TMPRSS15: variants seen among roughly 807,000 people sequenced by gnomAD.
TMPRSS15 encodes transmembrane serine protease 15, also known as enteropeptidase.
TMPRSS15 carries 128 observed loss-of-function variants against 125.3 expected under a neutral mutation model. The observed-to-expected ratio is 1.02, with a 90% CI of 0.89 to 1.18. TMPRSS15 has a LOEUF of 1.18. TMPRSS15 is among the 50% of genes most tolerant of loss of function. The probability of loss-of-function intolerance (pLI) is 0.00; values close to 1 mark genes in which losing one functional copy is unlikely to be tolerated. For synonymous variants in TMPRSS15, 446 were observed against 423.2 expected, an observed-to-expected ratio of 1.05 and a Z score of -0.66; for missense variants, 1,283 against 1,212.7, an observed-to-expected ratio of 1.06 and a Z score of -0.86.
intron 21 of TMPRSS15, 97 bp from the exon 22 acceptor site, chr21:18,281,318 C>G: frequency 9.8e-7 from 1 of 1,024,274 alleles, no homozygotes; most frequent in Non-Finnish European, 1.5e-6. Context: ...TGTTTCTATC[C>G]TGAAATGTTC....
At chr21:18,472,455 TTATATATATATATATA>T (rs34604020) in intron 1 of TMPRSS15, among the ~76,000 whole-genome samples, 2 of 143,154 alleles carry the variant, frequency 1.4e-5, no homozygotes, top group Non-Finnish European at 3.0e-5. Context: ...GCTAAAAGAA[TTATATATATATATATA>T]TATATATATA....
intron 5 of TMPRSS15, among the ~76,000 whole-genome samples, chr21:18,373,045 A>G (rs2075808539): frequency 1.3e-5 from 2 of 152,232 alleles, no homozygotes; most frequent in South Asian, 2.1e-4. Context: ...CTGCCTCTGA[A>G]TATAACAACA....
At chr21:18,454,110 T>C (rs1222111961) in intron 1 of TMPRSS15, among the ~76,000 whole-genome samples, 2 of 152,150 alleles carry the variant, frequency 1.3e-5, no homozygotes, top group East Asian at 1.9e-4. Flanking sequence ...TTTACAACAA[T>C]GGAGACAATA....
At chr21:18,472,089 A>G (rs997490167) in intron 1 of TMPRSS15, among the ~76,000 whole-genome samples, 10 of 152,118 alleles carry the variant, frequency 6.6e-5, no homozygotes, top group Non-Finnish European at 1.5e-4. Context: ...TTAGAAGAAG[A>G]TCTCATTACG....
intron 4 of TMPRSS15, among the ~76,000 whole-genome samples, chr21:18,380,940 C>T (rs2123046795): frequency 6.6e-6 from 1 of 152,220 alleles, no homozygotes; most frequent in Middle Eastern, 3.4e-3. Flanking sequence ...ACTTGTTTTA[C>T]ACTAAAACAT....
intron 1 of TMPRSS15, among the ~76,000 whole-genome samples, chr21:18,413,311 T>C (rs1247266336): frequency 2.3e-5 from 1 of 44,370 alleles, no homozygotes; most frequent in African/African-American, 7.9e-5. Context: ...CTTTTCTTTC[T>C]TTTCCTTCCT....
At chr21:18,344,268 G>A (rs1210077664) in intron 10 of TMPRSS15, among the ~76,000 whole-genome samples, 1 of 151,922 alleles carries the variant, frequency 6.6e-6, no homozygotes, top group Non-Finnish European at 1.5e-5. Context: ...CTTAACACTG[G>A]GCCTCCCACT....
At chr21:18,397,331 C>G (rs1362013026) in intron 3 of TMPRSS15, among the ~76,000 whole-genome samples, 1 of 152,062 alleles carries the variant, frequency 6.6e-6, no homozygotes, top group Admixed American at 6.6e-5. Flanking sequence ...ATAGATCTTA[C>G]AATAGAAATA....
rs912121881 is a variant in TMPRSS15 at position 18,294,661 on chromosome 21, G to T, written c.2262-9C>A. The stretch of plus-strand genomic sequence containing the variant: ...CCTGTAAACACTGTTGACTGTAATA[G>T]AAGAACAATCATATTTTTAAAATTA... On this transcript the variant is annotated splice_polypyrimidine_tract_variant and intron_variant, in intron 19 of 24. Transcript: ENST00000284885. The T allele has an allele frequency of 5.0e-6, 8 of 1,605,932 alleles. No homozygotes were observed. The highest frequency in any genetic ancestry group is 6.8e-6 in the Non-Finnish European group (8 of 1,172,742).
In TMPRSS15 at chr21:18,383,749, A is replaced by C. The variant is rs780727938; in HGVS notation, c.374T>G (p.Leu125Arg). ...ATCTGACACCCACTGGGCAAAGAAA[A>C]GGTCAAATACGACTATAATGCTGCC... is the stretch of plus-strand genomic sequence containing the variant. ...ENGSIIVVFD[L>R]FFAQWVSDEN... Residue 125 changes from leucine (L) to arginine (R), a missense_variant, in exon 4 of 25, where the codon CTT becomes CGT. Coordinates refer to ENST00000284885, the MANE Select transcript of TMPRSS15 (RefSeq NM_002772.3). 6.2e-7 allele frequency: 1 copy of C among 1,613,778 alleles called. No individual in the cohort carries two copies. Among genetic ancestry groups the C allele is most frequent in the Non-Finnish European group, 8.5e-7 (1 of 1,179,834 alleles).
intron 16 of TMPRSS15, among the ~76,000 whole-genome samples, chr21:18,317,897 CCCAT>C (rs2075188526): frequency 1.1e-4 from 15 of 134,914 alleles, no homozygotes; most frequent in Middle Eastern, 3.9e-3. Flanking sequence ...CCCATCCCAT[CCCAT>C]CCCATCCTAT....
chr21:18,431,990 G>A (rs770500562), intron 1 of TMPRSS15, among the ~76,000 whole-genome samples: 1 of 152,094 alleles, frequency 6.6e-6, no homozygotes, highest in Non-Finnish European at 1.5e-5. Context: ...ATTATTGGGT[G>A]AATATTCAAG....
Position 18,383,529 on chromosome 21 carries a change from T to G in TMPRSS15, c.496+98A>C, listed in dbSNP as rs553629482. On this transcript the variant is annotated intron_variant, in intron 4 of 24. Coordinates refer to ENST00000284885, the MANE Select transcript of TMPRSS15 (RefSeq NM_002772.3). The stretch of plus-strand genomic sequence containing the variant: ...CACCTCAGGCAATAAGACATGTTCC[T>G]AAGGTCAAGCATGATTCCACTTCCT... 2.8e-6 allele frequency: 4 copies of G among 1,410,532 alleles called. No homozygotes were observed. The African/African-American group carries it at 5.7e-5, about 20-fold the overall frequency. 87.4% of individuals were successfully genotyped at this position (1,410,532 alleles called of 1,614,324 possible). A position where few individuals can be genotyped will look rare whatever the true frequency, so the allele number is the denominator to read the frequency against.
chr21:18,424,814 TG>T (rs2076199203), intron 1 of TMPRSS15, among the ~76,000 whole-genome samples: 1 of 150,372 alleles, frequency 6.7e-6, no homozygotes, highest in African/African-American at 2.5e-5. Context: ...ATATGCTATT[TG>T]TTGTGTTTTC....
rs550857617 is a variant in TMPRSS15 at position 18,323,214 on chromosome 21, G to T, written c.1921+3218C>A. Among the ~76,000 whole-genome samples, 4 of 152,226 alleles carry T rather than the reference G, an allele frequency of 2.6e-5. No individual in the cohort carries two copies. In the South Asian group the frequency reaches 8.3e-4, roughly 32 times the overall value. On this transcript the variant is annotated intron_variant, in intron 16 of 24. Coordinates refer to ENST00000284885, the MANE Select transcript of TMPRSS15 (RefSeq NM_002772.3). ...CTTTAACTTTTGCAGATGGTGGAAT[G>T]CCATGTGCTGTTAGTTTGTTCTCAT...
intron 18 of TMPRSS15, among the ~76,000 whole-genome samples, chr21:18,302,527 G>A (rs2074984395): frequency 6.6e-6 from 1 of 152,164 alleles, no homozygotes; most frequent in Admixed American, 6.5e-5. Context: ...TAGCAAACAG[G>A]TAAGTTTAAT....
intron 1 of TMPRSS15, among the ~76,000 whole-genome samples, chr21:18,450,265 G>GT (rs5842694): frequency 0.011 from 1,697 of 148,384 alleles, 19 homozygotes; most frequent in Non-Finnish European, 0.017. Flanking sequence ...TGTTTTACAT[G>GT]TTTTTTTTTT....
chr21:18,345,760 A>AAAAAAAAAAAAAAAAAAAAAAAAAAAC (rs2075501782), intron 10 of TMPRSS15, among the ~76,000 whole-genome samples: 1 of 145,104 alleles, frequency 6.9e-6, no homozygotes, highest in Non-Finnish European at 1.5e-5. Context: ...AAAAAAAAAA[A>AAAAAAAAAAAAAAAAAAAAAAAAAAAC]AATCCACTGA....
intron 1 of TMPRSS15, among the ~76,000 whole-genome samples, chr21:18,468,232 G>T (rs565637488): frequency 9.9e-5 from 15 of 152,184 alleles, no homozygotes; most frequent in African/African-American, 3.6e-4. Flanking sequence ...GAAACAGAGA[G>T]GCTCCTTTTG....
Sources: allele counts gnomAD v4.1 joint callset (sites outside exome capture counted in the v4.1 genomes callset), GRCh38; gene constraint gnomAD v4.1.1; transcripts MANE v1.5; gene names NCBI Gene and HGNC (gene_info 2026-07-23, HGNC 2026-07-21).